The following SMOC1 variants were observed in gnomAD, a reference collection of about 807,000 sequenced individuals.
The protein encoded by SMOC1 is SPARC related modular calcium binding 1, also known as SPARC-related modular calcium-binding protein 1.
Under a neutral mutation model 56.3 loss-of-function variants are expected in SMOC1, and 22 were observed. That is an observed-to-expected ratio of 0.39 (90% CI 0.28 to 0.56). The LOEUF is 0.56. Among genes scored for constraint, SMOC1 ranks in the 20% least tolerant of loss-of-function variants. The probability of loss-of-function intolerance (pLI) is 0.61; values close to 1 mark genes in which losing one functional copy is unlikely to be tolerated. For missense variants in SMOC1, 509 were observed against 565.4 expected (o/e 0.90, Z 1.01); for synonymous variants, 193 against 215.0 (o/e 0.90, Z 0.89).
At chr14:69,972,076 A>T (rs1883781400) in intron 3 of SMOC1, among the ~76,000 whole-genome samples, 1 of 152,198 alleles carries the variant, frequency 6.6e-6, no homozygotes, top group South Asian at 2.1e-4. Flanking sequence ...TTAACAACTA[A>T]GATAAGTATT....
chr14:70,005,705 C>A (rs962150001), intron 7 of SMOC1, among the ~76,000 whole-genome samples: 1 of 152,140 alleles, frequency 6.6e-6, no homozygotes, highest in Non-Finnish European at 1.5e-5. Flanking sequence ...TTGCCAAGTG[C>A]GGAATGACCT....
chr14:69,926,571 A>G (rs1389161033), intron 1 of SMOC1, among the ~76,000 whole-genome samples: 1 of 152,220 alleles, frequency 6.6e-6, no homozygotes, highest in Non-Finnish European at 1.5e-5. Context: ...GGCTCTGCAG[A>G]GGATCAAGTG....
chr14:69,902,832 C>G (rs1884284812), intron 1 of SMOC1, among the ~76,000 whole-genome samples: 1 of 152,210 alleles, frequency 6.6e-6, no homozygotes, highest in South Asian at 2.1e-4. Context: ...GTTGGCCGGG[C>G]TGGTCTCCAG....
At chr14:69,930,759 C>G (rs777041242) in intron 1 of SMOC1, among the ~76,000 whole-genome samples, 2 of 152,196 alleles carry the variant, frequency 1.3e-5, no homozygotes, top group African/African-American at 4.8e-5. Flanking sequence ...CAAGGACACT[C>G]GCACCCCAGT....
rs369661830 is a variant in SMOC1 at position 69,953,504 on chromosome 14, A to G, written c.350A>G (p.Glu117Gly). The G allele has an allele frequency of 3.7e-6, 6 of 1,614,188 alleles. No homozygotes were observed. Among genetic ancestry groups the G allele is most frequent in the Non-Finnish European group, 5.1e-6 (6 of 1,180,014 alleles). The part of the protein sequence containing the change: ...KKPQEAVFVP[E>G]CGEDGSFTQV... ...CCTCAGGAAGCTGTGTTTGTCCCAGAGTGTGGCGAGGATGGCTCCTTTACC... is the reference window on the plus strand; with the variant it reads ...CCTCAGGAAGCTGTGTTTGTCCCAGGGTGTGGCGAGGATGGCTCCTTTACC... The change falls in exon 3 of 12, where the codon GAG becomes GGG. Residue 117 changes from glutamate (E) to glycine (G), a missense_variant. Glu to Gly is a moderately conservative substitution (Grantham distance 98, BLOSUM62 -2). Around this residue, in one of 3 missense-constraint regions of SMOC1, gnomAD observed 315 missense variants for 333.1 expected, o/e 0.95. Transcript: ENST00000361956.
chr14:70,027,485 G>A (rs976307242), intron 11 of SMOC1, among the ~76,000 whole-genome samples: 15 of 152,156 alleles, frequency 9.9e-5, no homozygotes, highest in Non-Finnish European at 1.8e-4. Flanking sequence ...CCTGAGTGGG[G>A]AAGCCCACAG....
At chr14:69,894,495 C>T (rs1884043815) in intron 1 of SMOC1, among the ~76,000 whole-genome samples, 2 of 152,184 alleles carry the variant, frequency 1.3e-5, no homozygotes, top group Non-Finnish European at 1.5e-5. Flanking sequence ...TAGGGTTACC[C>T]ATTTCTGGGA....
chr14:69,894,827 T>C (rs998951698), intron 1 of SMOC1, among the ~76,000 whole-genome samples: 2 of 152,116 alleles, frequency 1.3e-5, no homozygotes, highest in African/African-American at 4.8e-5. Flanking sequence ...TAGAAAGAGT[T>C]TGGAAAATTT....
At chr14:69,936,696 T>A (rs1475955275) in intron 1 of SMOC1, among the ~76,000 whole-genome samples, 1 of 152,246 alleles carries the variant, frequency 6.6e-6, no homozygotes, top group Non-Finnish European at 1.5e-5. Context: ...TGGGTCAATC[T>A]GTTTGGATTC....
intron 11 of SMOC1, among the ~76,000 whole-genome samples, chr14:70,025,060 C>G (rs966683212): frequency 3.9e-5 from 6 of 152,076 alleles, no homozygotes; most frequent in African/African-American, 1.4e-4. Context: ...TGGCTGCTCA[C>G]TGAGATGGGC....
intron 1 of SMOC1, among the ~76,000 whole-genome samples, chr14:69,950,599 C>T (rs1388995586): frequency 6.6e-6 from 1 of 152,206 alleles, no homozygotes; most frequent in Non-Finnish European, 1.5e-5. Flanking sequence ...TTCATTCCCT[C>T]AACCCAATCT....
At chr14:69,984,495 A>C (rs1434612860) in intron 5 of SMOC1, among the ~76,000 whole-genome samples, 2 of 152,178 alleles carry the variant, frequency 1.3e-5, no homozygotes, top group African/African-American at 4.8e-5. Flanking sequence ...CATAGGACTC[A>C]TATCTAGAGA....
At chr14:69,879,831 C>G (rs2139275715) in intron 1 of SMOC1, 54 bp downstream of exon 1, 1 of 1,447,378 alleles carries the variant, frequency 6.9e-7, no homozygotes, top group Middle Eastern at 1.7e-4. Flanking sequence ...AGGTTGCTTC[C>G]CCCCTCATCC....
intron 5 of SMOC1, 51 bp downstream of exon 5, chr14:69,978,016 A>C (rs772847556): frequency 1.3e-6 from 2 of 1,503,204 alleles, no homozygotes; most frequent in African/African-American, 2.8e-5. Context: ...AAGGTGGTCC[A>C]AGCAGGATTT....
chr14:70,015,168 G>A (rs1293631122), intron 10 of SMOC1, among the ~76,000 whole-genome samples: 1 of 151,794 alleles, frequency 6.6e-6, no homozygotes, highest in Admixed American at 6.6e-5. Flanking sequence ...GGGGCATTAT[G>A]CTATGTGAAA....
chr14:69,919,675 A>T (rs950678020), intron 1 of SMOC1, among the ~76,000 whole-genome samples: 1 of 152,174 alleles, frequency 6.6e-6, no homozygotes, highest in Non-Finnish European at 1.5e-5. Context: ...TCAACTCACA[A>T]TCATCAAAGC....
chr14:70,013,263 C>G (rs1319614554), intron 9 of SMOC1, 123 bp from the exon 10 acceptor site: 1 of 851,732 alleles, frequency 1.2e-6, no homozygotes, highest in Non-Finnish European at 1.9e-6. Flanking sequence ...GTAAACAAAT[C>G]ACTAAAGTGG....
chr14:69,901,140 C>T lies in SMOC1; in HGVS notation c.99+21363C>T, dbSNP rs144643103. Among the ~76,000 whole-genome samples the T allele has an allele frequency of 5.7e-4, 87 of 152,314 alleles. 1 individual carries two copies. The highest frequency in any genetic ancestry group is 2.1e-3 in the African/African-American group (86 of 41,570). ...GATATCTTTTCTCAGCTCCTTCTCC[C>T]ATACTCAGGAGATGTCCAGGAAGAT... On this transcript the variant is annotated intron_variant, in intron 1 of 11. Coordinates refer to ENST00000361956, the MANE Select transcript of SMOC1 (RefSeq NM_001034852.3).
intron 1 of SMOC1, among the ~76,000 whole-genome samples, chr14:69,941,182 C>T (rs572552123): frequency 2.4e-4 from 36 of 152,260 alleles, no homozygotes; most frequent in African/African-American, 7.0e-4. Context: ...TGTAGGGCAG[C>T]GACAAAGCCC....
Sources: allele counts gnomAD v4.1 joint callset (sites outside exome capture counted in the v4.1 genomes callset), GRCh38; gene constraint gnomAD v4.1.1; regional missense constraint gnomAD v4.1.1; transcripts MANE v1.5; gene names NCBI Gene and HGNC (gene_info 2026-07-23, HGNC 2026-07-21).